Variants in ITGBL1 observed in about 807,000 individuals in gnomAD.
ITGBL1 encodes integrin beta-like protein 1.
Under a neutral mutation model 68.5 loss-of-function variants are expected in ITGBL1, and 51 were observed. That is an observed-to-expected ratio of 0.74 (90% CI 0.59 to 0.94). ITGBL1 has a LOEUF of 0.94. Ranked by LOEUF, ITGBL1 falls within the 40% of genes least tolerant of loss-of-function variation. The pLI is 0.00. For synonymous variants in ITGBL1, 209 were observed against 227.3 expected, an observed-to-expected ratio of 0.92 and a Z score of 0.72; for missense variants, 649 against 647.4, an observed-to-expected ratio of 1.00 and a Z score of -0.03.
At chr13:101,523,709 T>G (rs1041849782) in intron 2 of ITGBL1, among the ~76,000 whole-genome samples, 10 of 144,712 alleles carry the variant, frequency 6.9e-5, no homozygotes, top group Admixed American at 2.1e-4. Context: ...GAACTTCAAA[T>G]GGATGCACAC....
intron 2 of ITGBL1, among the ~76,000 whole-genome samples, chr13:101,464,251 C>T (rs942095996): frequency 5.3e-5 from 8 of 152,130 alleles, no homozygotes; most frequent in Non-Finnish European, 7.4e-5. Context: ...TCTTCTTTAT[C>T]CTGTTTGATC....
intron 7 of ITGBL1, among the ~76,000 whole-genome samples, chr13:101,607,842 G>A (rs563327160): frequency 6.6e-5 from 10 of 152,026 alleles, no homozygotes; most frequent in African/African-American, 1.9e-4. Flanking sequence ...TCATCAAAAC[G>A]AATGATTTAT....
intron 2 of ITGBL1, among the ~76,000 whole-genome samples, chr13:101,560,780 G>C (rs376226205): frequency 3.9e-5 from 6 of 152,254 alleles, no homozygotes; most frequent in Admixed American, 3.3e-4. Flanking sequence ...CAATCTCTGA[G>C]CTATAATTGT....
chr13:101,659,841 G>C (rs2033036631), intron 7 of ITGBL1, among the ~76,000 whole-genome samples: 1 of 152,130 alleles, frequency 6.6e-6, no homozygotes, highest in South Asian at 2.1e-4. Flanking sequence ...CAGTGTGTTT[G>C]GACCTCTGGG....
chr13:101,679,550 G>A (rs1009909776), intron 7 of ITGBL1, among the ~76,000 whole-genome samples: 1 of 152,186 alleles, frequency 6.6e-6, no homozygotes, highest in African/African-American at 2.4e-5. Flanking sequence ...GACTACACTG[G>A]TTAAGAACTT....
At chr13:101,632,988 T>C (rs970540321) in intron 7 of ITGBL1, among the ~76,000 whole-genome samples, 3 of 152,228 alleles carry the variant, frequency 2.0e-5, no homozygotes, top group African/African-American at 7.2e-5. Flanking sequence ...TGGACTGGAA[T>C]GAAGCCTGAG....
intron 2 of ITGBL1, among the ~76,000 whole-genome samples, chr13:101,542,601 TG>T (rs2049730315): frequency 1.3e-5 from 2 of 152,212 alleles, no homozygotes; most frequent in East Asian, 3.8e-4. Flanking sequence ...TTTCAATTCC[TG>T]GATATCCTTG....
At chr13:101,672,733 C>CTG (rs2033408657) in intron 7 of ITGBL1, among the ~76,000 whole-genome samples, 1 of 152,194 alleles carries the variant, frequency 6.6e-6, no homozygotes. Context: ...TGGCAAGAGA[C>CTG]AGACAGAGAC....
chr13:101,655,977 T>G (rs1267128228), intron 7 of ITGBL1, among the ~76,000 whole-genome samples: 1 of 152,022 alleles, frequency 6.6e-6, no homozygotes, highest in Non-Finnish European at 1.5e-5. Context: ...TATTTTAGGA[T>G]GGCGTGAGAC....
chr13:101,648,655 C>G (rs1299938090), intron 7 of ITGBL1, among the ~76,000 whole-genome samples: 1 of 151,578 alleles, frequency 6.6e-6, no homozygotes, highest in Non-Finnish European at 1.5e-5. Flanking sequence ...TTCTGGAAAA[C>G]CATTAAAATT....
At chr13:101,518,961 A>G (rs1317600642) in intron 2 of ITGBL1, among the ~76,000 whole-genome samples, 1 of 152,194 alleles carries the variant, frequency 6.6e-6, no homozygotes, top group African/African-American at 2.4e-5. Context: ...TTATACTTAG[A>G]CATACAAGTT....
rs2048487528 is a variant in ITGBL1, at chr13:101,473,234, CAAAG to C, written c.316+19140_316+19143del. 2.6e-5 allele frequency among the ~76,000 whole-genome samples: 4 copies of C among 152,100 alleles called. 1 individual carries two copies. The highest frequency in any genetic ancestry group is 2.6e-4 in the Admixed American group (4 of 15,278). ...ACAGTACCCGGTTTCAATACCATAT[CAAAG>C]AAAGAGGCAATGAAGAGGTAGGAAA... On this transcript the variant is annotated intron_variant, in intron 2 of 10. Coordinates refer to ENST00000376180, the MANE Select transcript of ITGBL1 (RefSeq NM_004791.3).
intron 2 of ITGBL1, among the ~76,000 whole-genome samples, chr13:101,551,438 G>A (rs1386305543): frequency 1.3e-5 from 2 of 152,132 alleles, no homozygotes; most frequent in Non-Finnish European, 2.9e-5. Flanking sequence ...GAACCAGAAG[G>A]CAAAGAAGTC....
At chr13:101,672,810 C>T (rs929348812) in intron 7 of ITGBL1, among the ~76,000 whole-genome samples, 9 of 152,120 alleles carry the variant, frequency 5.9e-5, no homozygotes, top group Non-Finnish European at 1.2e-4. Context: ...TCCATGTGTG[C>T]GTGTCCATGT....
chr13:101,459,303 T>C (rs2048286522), intron 2 of ITGBL1, among the ~76,000 whole-genome samples: 1 of 152,238 alleles, frequency 6.6e-6, no homozygotes, highest in Admixed American at 6.5e-5. Flanking sequence ...ATTTACCTGA[T>C]ATTTAGTGCC....
At chr13:101,591,278 A>G (rs1226521367) in intron 6 of ITGBL1, among the ~76,000 whole-genome samples, 2 of 152,216 alleles carry the variant, frequency 1.3e-5, no homozygotes, top group Non-Finnish European at 2.9e-5. Context: ...ATTGTTAATA[A>G]GCATAAACCG....
intron 7 of ITGBL1, among the ~76,000 whole-genome samples, chr13:101,605,670 GTA>G: frequency 6.6e-6 from 1 of 151,596 alleles, no homozygotes; most frequent in South Asian, 2.1e-4. Context: ...ATGTAGACAT[GTA>G]TGTGTTTATG....
At position 101,583,371 on chromosome 13, in the gene ITGBL1, A is replaced by G; in HGVS notation, c.868+15A>G. The G allele has an allele frequency of 6.9e-7, 1 of 1,452,454 alleles. No homozygotes were observed. Among genetic ancestry groups the G allele is most frequent in the Non-Finnish European group, 9.1e-7 (1 of 1,099,074 alleles). The allele number at this position is 1,452,454 out of a possible 1,614,324, so 90.0% of individuals were successfully genotyped here. A position where few individuals can be genotyped will look rare whatever the true frequency, so the allele number is the denominator to read the frequency against. On this transcript the variant is annotated intron_variant, in intron 6 of 10. Transcript: ENST00000376180. ...CTTCTGTTCAGGTAAGGGCTCTTCC[A>G]ATTCCTGTTTTTCTGGAGGGGGAGG...
At chr13:101,473,159 A>T (rs1166172761) in intron 2 of ITGBL1, among the ~76,000 whole-genome samples, 2 of 152,228 alleles carry the variant, frequency 1.3e-5, no homozygotes, top group Admixed American at 6.5e-5. Context: ...CTGAACAATT[A>T]TCCATGCAGG....
Sources: gnomAD v4.1 joint callset for allele counts (sites outside exome capture counted in the v4.1 genomes callset) on GRCh38, gnomAD v4.1.1 for gene constraint, MANE v1.5 for transcripts, NCBI Gene and HGNC (gene_info 2026-07-23, HGNC 2026-07-21) for gene names.